The following NEDD4 variants were observed in gnomAD, a reference collection of about 807,000 sequenced individuals.
The protein encoded by NEDD4 is NEDD4 E3 ubiquitin protein ligase, also known as E3 ubiquitin-protein ligase NEDD4.
In NEDD4, 99 loss-of-function variants were observed where a neutral mutation model predicts 144.9. The ratio of observed to expected loss-of-function variants is 0.68; its 90% CI spans 0.58 to 0.81. The LOEUF is 0.81. NEDD4 is among the 30% of genes least tolerant of loss of function. The pLI is 0.00. For missense variants in NEDD4, 985 were observed against 1,065.9 expected, an observed-to-expected ratio of 0.92 and a Z score of 1.06; for synonymous variants, 318 against 350.6, an observed-to-expected ratio of 0.91 and a Z score of 1.04.
chr15:55,956,670 A>G (rs67240909), intron 2 of NEDD4, among the ~76,000 whole-genome samples: 1 of 152,106 alleles, frequency 6.6e-6, no homozygotes, highest in Non-Finnish European at 1.5e-5. Context: ...TGAACAATAT[A>G]TCTATTCTCA....
intron 4 of NEDD4, among the ~76,000 whole-genome samples, chr15:55,932,391 C>T (rs1390940119): frequency 6.6e-6 from 1 of 152,136 alleles, no homozygotes; most frequent in Non-Finnish European, 1.5e-5. Context: ...TGATCTTTGA[C>T]AAACCTGACA....
intron 2 of NEDD4, among the ~76,000 whole-genome samples, chr15:55,956,039 C>A (rs1257827220): frequency 6.6e-6 from 1 of 152,042 alleles, no homozygotes; most frequent in South Asian, 2.1e-4. Flanking sequence ...GTCTCGAACT[C>A]CAGGGCTCAA....
At chr15:55,975,095 G>C (rs572073589) in intron 1 of NEDD4, among the ~76,000 whole-genome samples, 1 of 151,674 alleles carries the variant, frequency 6.6e-6, no homozygotes, top group African/African-American at 2.4e-5. Flanking sequence ...GTTTCACCAC[G>C]TTAGCCAGGC....
In NEDD4 at chr15:55,838,100, T is replaced by C. The variant is rs2033297271; in HGVS notation, c.2201+7A>G. 2 of 1,463,292 alleles carry C rather than the reference T, an allele frequency of 1.4e-6. No individual in the cohort carries two copies. Among genetic ancestry groups the C allele is most frequent in the Admixed American group, 1.9e-5 (1 of 53,288 alleles). 90.6% of individuals were successfully genotyped at this position (1,463,292 alleles called of 1,614,324 possible). A position where few individuals can be genotyped will look rare whatever the true frequency, so the allele number is the denominator to read the frequency against. ...TCCAATAAAATACATACTAATAAAA[T>C]ACTTACTAAATATATTCCTTTTTGT... On this transcript the variant is annotated splice_region_variant and intron_variant, in intron 23 of 28. Coordinates refer to ENST00000435532, the MANE Select transcript of NEDD4 (RefSeq NM_006154.4).
intron 4 of NEDD4, among the ~76,000 whole-genome samples, chr15:55,927,077 C>CAAAAAAAAAAAAAAAAAAAA (rs57940091): frequency 2.8e-5 from 2 of 70,652 alleles, no homozygotes; most frequent in Non-Finnish European, 5.4e-5. Flanking sequence ...GACTACGTCT[C>CAAAAAAAAAAAAAAAAAAAA]AAAAAAAAAA....
intron 1 of NEDD4, among the ~76,000 whole-genome samples, chr15:55,970,147 C>A (rs190822378): frequency 1.4e-3 from 219 of 152,238 alleles, no homozygotes; most frequent in African/African-American, 5.1e-3. Context: ...AGGTCTGGGG[C>A]AGTGGTGGCC....
chr15:55,925,693 C>T (rs1457955634), intron 4 of NEDD4, among the ~76,000 whole-genome samples: 1 of 152,058 alleles, frequency 6.6e-6, no homozygotes, highest in Non-Finnish European at 1.5e-5. Context: ...AGAAAAAAGT[C>T]CTATGCTTGT....
In NEDD4 at chr15:55,892,850, C is replaced by G. The variant is rs755229270; in HGVS notation, c.292-18842G>C. ...ACCTTTTTGGTGGTTGTATGGTATG[C>G]TATTATATGGTACAGCAAAATTTCC... On this transcript the variant is annotated intron_variant, in intron 5 of 28. Transcript: ENST00000435532. 6.6e-4 allele frequency among the ~76,000 whole-genome samples: 101 copies of G among 152,034 alleles called. 1 individual carries two copies. Among genetic ancestry groups the G allele is most frequent in the Admixed American group, 2.6e-4 (4 of 15,248 alleles).
chr15:55,901,154 T>C (rs1460190893), intron 5 of NEDD4, among the ~76,000 whole-genome samples: 3 of 152,190 alleles, frequency 2.0e-5, no homozygotes, highest in Non-Finnish European at 2.9e-5. Context: ...AATCACATCA[T>C]GGATGATGGA....
intron 24 of NEDD4, among the ~76,000 whole-genome samples, chr15:55,836,813 C>T (rs1410171223): frequency 6.6e-6 from 1 of 151,990 alleles, no homozygotes; most frequent in African/African-American, 2.4e-5. Context: ...CAGGAATGAG[C>T]CACCGCGCCC....
At chr15:55,992,054 G>A (rs1424072223) in intron 1 of NEDD4, 1 of 152,176 alleles carries the variant, frequency 6.6e-6, no homozygotes, top group Non-Finnish European at 1.5e-5. Flanking sequence ...TGATTGGGTT[G>A]GACACCACCT....
chr15:55,894,765 A>C (rs1318355872), intron 5 of NEDD4, among the ~76,000 whole-genome samples: 1 of 152,204 alleles, frequency 6.6e-6, no homozygotes, highest in Non-Finnish European at 1.5e-5. Flanking sequence ...GGATTTAAAA[A>C]TACAAACCAT....
chr15:55,834,384 C>G (rs991918087), intron 24 of NEDD4, 98 bp from the exon 25 acceptor site: 131 of 705,930 alleles, frequency 1.9e-4, no homozygotes, highest in Non-Finnish European at 2.7e-4. Flanking sequence ...CACATCCACA[C>G]AAGTTTCTAC....
intron 1 of NEDD4, among the ~76,000 whole-genome samples, chr15:55,980,708 A>G (rs1246213111): frequency 6.6e-6 from 1 of 152,250 alleles, no homozygotes; most frequent in Non-Finnish European, 1.5e-5. Flanking sequence ...AACAGTCCAG[A>G]TGGAATGCAA....
chr15:55,959,351 C>G (rs1344616562), intron 2 of NEDD4, among the ~76,000 whole-genome samples: 1 of 152,150 alleles, frequency 6.6e-6, no homozygotes, highest in African/African-American at 2.4e-5. Context: ...TTCCACTGTT[C>G]TCAAAGAACA....
intron 2 of NEDD4, among the ~76,000 whole-genome samples, chr15:55,961,613 G>A (rs1566970140): frequency 6.6e-6 from 1 of 152,042 alleles, no homozygotes; most frequent in East Asian, 1.9e-4. Context: ...TGGGACTACA[G>A]GAGCCCACCA....
Position 55,869,602 on chromosome 15 carries a change from C to G in NEDD4, c.484G>C (p.Ala162Pro). Residue 162 changes from alanine (A) to proline (P), a missense_variant, in exon 8 of 29, where the codon GCA becomes CCA. Ala to Pro is a conservative substitution (Grantham distance 27, BLOSUM62 -1). Coordinates refer to ENST00000435532, the MANE Select transcript of NEDD4 (RefSeq NM_006154.4). ...PKTSGSEDDN[A>P]EQAEELEPGW... ...ACCTCTAATTCCTCAGCCTGTTCTG[C>G]ATTATCATCTTCTGAGCCACTGGTT... is the stretch of plus-strand genomic sequence containing the variant. 1 of 1,582,860 alleles carries G rather than the reference C, an allele frequency of 6.3e-7. No individual in the cohort carries two copies. Among genetic ancestry groups the G allele is most frequent in the South Asian group, 1.2e-5 (1 of 86,602 alleles).
At chr15:55,858,087 G>A (rs2034265510) in intron 11 of NEDD4, among the ~76,000 whole-genome samples, 2 of 151,870 alleles carry the variant, frequency 1.3e-5, no homozygotes, top group South Asian at 4.2e-4. Flanking sequence ...ATAAATTCTG[G>A]TGTAACAAAC....
chr15:55,978,238 A>C (rs1221295786), intron 1 of NEDD4, among the ~76,000 whole-genome samples: 1 of 152,230 alleles, frequency 6.6e-6, no homozygotes, highest in Non-Finnish European at 1.5e-5. Context: ...TCCCAGATAC[A>C]TTTAACTTTT....
Sources: gnomAD v4.1 joint callset for allele counts (sites outside exome capture counted in the v4.1 genomes callset) on GRCh38, gnomAD v4.1.1 for gene constraint, MANE v1.5 for transcripts, NCBI Gene and HGNC (gene_info 2026-07-23, HGNC 2026-07-21) for gene names.